Variants in FMNL2 observed in about 807,000 individuals in gnomAD.
The protein encoded by FMNL2 is formin-like protein 2.
Under a neutral mutation model 130.2 loss-of-function variants are expected in FMNL2, and 51 were observed. That is an observed-to-expected ratio of 0.39 (90% CI 0.31 to 0.49). The LOEUF (loss-of-function observed/expected upper bound fraction) is 0.49, where lower values mean the gene tolerates loss of function less well. FMNL2 is among the 20% of genes least tolerant of loss of function. FMNL2 has a pLI of 0.85. For missense variants in FMNL2, 977 were observed against 1,316.2 expected (o/e 0.74, Z 3.99); for synonymous variants, 465 against 467.1 (o/e 1.00, Z 0.06).
intron 1 of FMNL2, among the ~76,000 whole-genome samples, chr2:152,377,726 T>C (rs769914955): frequency 2.6e-5 from 4 of 152,234 alleles, no homozygotes; most frequent in Non-Finnish European, 5.9e-5. Context: ...TGAATCTGTC[T>C]GTGGCTAGAA....
rs758088935 is a variant in FMNL2 at position 152,647,843 on chromosome 2, G to T, written c.3217G>T (p.Val1073Phe). 9 of 1,613,806 alleles carry T rather than the reference G, an allele frequency of 5.6e-6. No homozygotes were observed. The highest frequency in any genetic ancestry group is 1.3e-5 in the African/African-American group (1 of 74,916). ...YRRADAVRRS[V>F]RRRFDDQNLR... is the part of the protein sequence containing the mutation. ...ACGAGCCGATGCGGTGAGGAGAAGC[G>T]TCAGGCGGCGCTTTGATGATCAGAA... The change falls in exon 26 of 26, where the codon GTC becomes TTC. Residue 1073 changes from valine to phenylalanine, a missense_variant. Val to Phe is a conservative substitution (Grantham distance 50). Transcript: ENST00000288670.
intron 1 of FMNL2, among the ~76,000 whole-genome samples, chr2:152,506,367 G>T (rs1446759803): frequency 6.6e-6 from 1 of 152,130 alleles, no homozygotes; most frequent in Non-Finnish European, 1.5e-5. Context: ...CTGATAGAAT[G>T]TATTTGCCTA....
At chr2:152,341,277 T>G (rs1390921078) in intron 1 of FMNL2, among the ~76,000 whole-genome samples, 2 of 152,174 alleles carry the variant, frequency 1.3e-5, no homozygotes, top group African/African-American at 4.8e-5. Flanking sequence ...TGGGAATATA[T>G]GGTTAGGGCT....
chr2:152,539,176 G>A (rs1298304099), intron 2 of FMNL2: 1 of 152,048 alleles, frequency 6.6e-6, no homozygotes, highest in Non-Finnish European at 1.5e-5. Flanking sequence ...CTTTAGTCAT[G>A]ATGAGCTATC....
intron 1 of FMNL2, among the ~76,000 whole-genome samples, chr2:152,521,387 T>G (rs975980084): frequency 2.0e-5 from 3 of 152,192 alleles, no homozygotes; most frequent in African/African-American, 7.2e-5. Context: ...AACTGAGAAT[T>G]GTGGTTATTA....
In FMNL2 at chr2:152,598,245, T is replaced by C. The variant is rs534787700; in HGVS notation, c.877-9094T>C. On this transcript the variant is annotated intron_variant, in intron 9 of 25. Coordinates refer to ENST00000288670, the MANE Select transcript of FMNL2 (RefSeq NM_052905.4). ...CCTTCCCTTGCTCAGCTTGACCTAATTGGATATGCTCAAAGGATGAAGCTG... is the reference window on the plus strand; with the variant it reads ...CCTTCCCTTGCTCAGCTTGACCTAACTGGATATGCTCAAAGGATGAAGCTG... Among the ~76,000 whole-genome samples, 150 of 152,266 alleles carry C rather than the reference T, an allele frequency of 9.9e-4. 1 individual carries two copies. The highest frequency in any genetic ancestry group is 3.6e-3 in the African/African-American group (148 of 41,560).
At chr2:152,353,941 GTATTTGCTACTC>G (rs2105786165) in intron 1 of FMNL2, among the ~76,000 whole-genome samples, 1 of 152,274 alleles carries the variant, frequency 6.6e-6, no homozygotes, top group African/African-American at 2.4e-5. Context: ...ATGGTGGCTT[GTATTTGCTACTC>G]TTGCCATAAG....
intron 6 of FMNL2, among the ~76,000 whole-genome samples, chr2:152,564,734 A>AG (rs1695721517): frequency 6.6e-6 from 1 of 151,354 alleles, no homozygotes; most frequent in Non-Finnish European, 1.5e-5. Flanking sequence ...CTCAATCTCA[A>AG]GAAAAAAAAA....
chr2:152,519,248 G>A (rs1692941606), intron 1 of FMNL2, among the ~76,000 whole-genome samples: 1 of 152,124 alleles, frequency 6.6e-6, no homozygotes, highest in Non-Finnish European at 1.5e-5. Flanking sequence ...CCTTACCAGA[G>A]TTTAAAAAGC....
chr2:152,458,151 G>A (rs1455607556), intron 1 of FMNL2, among the ~76,000 whole-genome samples: 1 of 152,220 alleles, frequency 6.6e-6, no homozygotes, highest in African/African-American at 2.4e-5. Context: ...TCAAAGAAGG[G>A]GGGCTTGGCC....
intron 3 of FMNL2, among the ~76,000 whole-genome samples, chr2:152,546,094 T>A (rs1298678233): frequency 6.6e-6 from 1 of 152,134 alleles, no homozygotes; most frequent in East Asian, 1.9e-4. Context: ...CTCTGCTATG[T>A]CCTCAGTGCT....
chr2:152,352,651 G>A lies in FMNL2; in HGVS notation c.117+16931G>A, dbSNP rs146367050. 1.0e-2 allele frequency among the ~76,000 whole-genome samples: 1,516 copies of A among 151,672 alleles called. 18 individuals carry two copies. Among genetic ancestry groups the A allele is most frequent in the African/African-American group, 0.035 (1,443 of 41,400 alleles). On this transcript the variant is annotated intron_variant, in intron 1 of 25. Coordinates refer to ENST00000288670, the MANE Select transcript of FMNL2 (RefSeq NM_052905.4). ...AAAAATTACAGATAAAATGAGAACT[G>A]GATGAATAAAGCCACTGTTCACTAT...
intron 3 of FMNL2, among the ~76,000 whole-genome samples, chr2:152,548,338 G>A (rs1230742092): frequency 2.0e-5 from 3 of 152,186 alleles, no homozygotes; most frequent in Non-Finnish European, 4.4e-5. Flanking sequence ...GTTTGACGGG[G>A]GAAAGTTCCT....
chr2:152,611,118 A>G (rs1698655333), intron 10 of FMNL2, among the ~76,000 whole-genome samples: 1 of 152,220 alleles, frequency 6.6e-6, no homozygotes, highest in African/African-American at 2.4e-5. Flanking sequence ...AGGCCGGCGG[A>G]TCACGAGGTC....
chr2:152,525,009 T>G (rs1693307019), intron 2 of FMNL2, among the ~76,000 whole-genome samples: 1 of 152,148 alleles, frequency 6.6e-6, no homozygotes. Context: ...CCTTCGCCTT[T>G]CCTATCTGTT....
chr2:152,528,996 G>A (rs373234395), intron 2 of FMNL2, among the ~76,000 whole-genome samples: 9 of 152,218 alleles, frequency 5.9e-5, no homozygotes, highest in African/African-American at 2.2e-4. Context: ...TGTTGACAAG[G>A]ACCTGCAAAA....
intron 1 of FMNL2, chr2:152,389,920 G>T: frequency 9.4e-7 from 1 of 1,061,310 alleles, no homozygotes; most frequent in South Asian, 1.3e-5. Flanking sequence ...GGTGGAGCGG[G>T]TGGCCGGGCT....
chr2:152,500,965 T>C (rs1226825505), intron 1 of FMNL2, among the ~76,000 whole-genome samples: 1 of 152,252 alleles, frequency 6.6e-6, no homozygotes, highest in Non-Finnish European at 1.5e-5. Flanking sequence ...GTTAAGTCCC[T>C]GACCGAGGCA....
rs1391697394 is a variant in FMNL2, at chr2:152,636,484, C to T, written c.2738C>T (p.Thr913Ile). The change falls in exon 22 of 26, where the codon ACC (threonine) becomes ATC (isoleucine). Residue 913 changes from threonine (T) to isoleucine (I), a missense_variant. Around this residue, in one of 4 missense-constraint regions of FMNL2, gnomAD observed 689 missense variants for 995.9 expected, o/e 0.69. Transcript: ENST00000288670. ...GAGCTCCAGAGGGGAATGGACTTGACCAAGAGAGAGTACACCATGCATGAC... is the reference window on the plus strand; with the variant it reads ...GAGCTCCAGAGGGGAATGGACTTGATCAAGAGAGAGTACACCATGCATGAC... The part of the protein sequence containing the change: ...VKELQRGMDL[T>I]KREYTMHDHN... 5.0e-6 allele frequency: 8 copies of T among 1,611,504 alleles called. No individual in the cohort carries two copies. The highest frequency in any genetic ancestry group is 6.8e-6 in the Non-Finnish European group (8 of 1,178,812).
Sources: allele counts gnomAD v4.1 joint callset (sites outside exome capture counted in the v4.1 genomes callset), GRCh38; gene constraint gnomAD v4.1.1; regional missense constraint gnomAD v4.1.1; transcripts MANE v1.5; gene names NCBI Gene and HGNC (gene_info 2026-07-23, HGNC 2026-07-21).